Variants in NLGN4X observed in about 807,000 individuals in gnomAD.
NLGN4X encodes neuroligin 4 X-linked.
In NLGN4X, 3 loss-of-function variants were observed where a neutral mutation model predicts 40.3. The ratio of observed to expected loss-of-function variants is 0.07; its 90% CI spans 0.03 to 0.19. The LOEUF is 0.19. NLGN4X is among the 10% of genes least tolerant of loss of function. NLGN4X has a pLI of 1.00. For missense variants in NLGN4X, 382 were observed against 708.3 expected (o/e 0.54, Z 5.23); for synonymous variants, 270 against 306.8 (o/e 0.88, Z 1.25).
intron 1 of NLGN4X, among the ~76,000 whole-genome samples, chrX:6,160,791 G>A (rs2040369447): frequency 9.2e-6 from 1 of 108,794 alleles, no homozygotes; most frequent in East Asian, 2.9e-4. Context: ...AGAGTGCTGG[G>A]ATTACAGGCG....
intron 2 of NLGN4X, among the ~76,000 whole-genome samples, chrX:6,120,855 T>A (rs1481740549): frequency 9.0e-6 from 1 of 111,521 alleles, no homozygotes; most frequent in Admixed American, 9.6e-5. Flanking sequence ...TGAACAAGAA[T>A]AAAAAATCCA....
At chrX:6,129,803 A>T (rs199595929) in intron 2 of NLGN4X, among the ~76,000 whole-genome samples, 3 of 39,247 alleles carry the variant, frequency 7.6e-5, no homozygotes, top group Non-Finnish European at 1.4e-4. Context: ...TGAAATGTTT[A>T]AAAAAAAAAA....
chrX:6,014,112 G>C (rs5961399), intron 3 of NLGN4X, among the ~76,000 whole-genome samples: 33,015 of 107,427 alleles, frequency 0.31, 4,773 homozygotes, highest in East Asian at 0.59. Context: ...AACCCGGGAG[G>C]GGGAGGTTGC....
Position 6,025,163 on chromosome X carries a change from T to C in NLGN4X, c.625+4117A>G, listed in dbSNP as rs896804397. 4.5e-5 allele frequency among the ~76,000 whole-genome samples: 5 copies of C among 111,674 alleles called. No homozygotes were observed. In the East Asian group the frequency reaches 1.4e-3, roughly 32 times the overall value. ...AATCAGAAGACACTTCATGTAGATA[T>C]AAATAATTACTTTATAGCTATAATG... On this transcript the variant is annotated intron_variant, in intron 3 of 5. Transcript: ENST00000381095.
chrX:6,066,051 G>C (rs1355914152), intron 2 of NLGN4X, among the ~76,000 whole-genome samples: 1 of 111,730 alleles, frequency 9.0e-6, no homozygotes, highest in Non-Finnish European at 1.9e-5. Context: ...TTAATAGTTT[G>C]TGTCCTGTCA....
intron 2 of NLGN4X, among the ~76,000 whole-genome samples, chrX:6,112,272 C>T (rs2039165341): frequency 9.0e-6 from 1 of 111,478 alleles, no homozygotes; most frequent in Admixed American, 9.6e-5. Context: ...ACCCTTGTAA[C>T]ACACCTGCAG....
intron 2 of NLGN4X, among the ~76,000 whole-genome samples, chrX:6,058,191 CATAT>C (rs893261143): frequency 9.0e-6 from 1 of 110,807 alleles, no homozygotes; most frequent in African/African-American, 3.3e-5. Context: ...TTCATACACA[CATAT>C]ATATATAAAC....
chrX:6,045,795 G>C (rs1421604171), intron 2 of NLGN4X, among the ~76,000 whole-genome samples: 2 of 76,020 alleles, frequency 2.6e-5, no homozygotes, highest in East Asian at 6.3e-4. Flanking sequence ...GTATAAACAG[G>C]GCAATGATGT....
At chrX:6,005,844 T>C (rs1055436436) in intron 3 of NLGN4X, among the ~76,000 whole-genome samples, 1 of 111,201 alleles carries the variant, frequency 9.0e-6, no homozygotes, top group African/African-American at 3.3e-5. Flanking sequence ...ACAGACTTTG[T>C]TCTAAGCCAC....
rs767154488 is a variant in NLGN4X, at chrX:5,921,828, G to T, written c.626-12589C>A. Among the ~76,000 whole-genome samples the T allele has an allele frequency of 1.3e-3, 145 of 111,719 alleles. 3 individuals carry two copies. The highest frequency in any genetic ancestry group is 1.5e-3 in the Non-Finnish European group (79 of 53,173). On this transcript the variant is annotated intron_variant, in intron 3 of 5. Coordinates refer to ENST00000381095, the MANE Select transcript of NLGN4X (RefSeq NM_181332.3). The stretch of plus-strand genomic sequence containing the variant: ...TAGCTACACGGTGTTAGGCTTTTAA[G>T]AATAAACTTAGCACGGCCCAGGTAG...
chrX:6,136,140 G>T (rs1318694831), intron 2 of NLGN4X, among the ~76,000 whole-genome samples: 5 of 111,822 alleles, frequency 4.5e-5, no homozygotes, highest in African/African-American at 1.6e-4. Flanking sequence ...TTGCAATGGT[G>T]CTATCATAGC....
intron 3 of NLGN4X, among the ~76,000 whole-genome samples, chrX:5,910,590 C>T (rs1437402439): frequency 1.8e-5 from 2 of 110,956 alleles, no homozygotes; most frequent in Non-Finnish European, 3.8e-5. Context: ...GACTGAGTGC[C>T]GGCTTCTACT....
intron 1 of NLGN4X, among the ~76,000 whole-genome samples, chrX:6,197,720 T>C (rs1020727348): frequency 5.4e-5 from 6 of 111,165 alleles, no homozygotes; most frequent in African/African-American, 2.0e-4. Context: ...TACAGGATGA[T>C]AGATTTTCAA....
rs562432294 is a variant in NLGN4X, at chrX:6,122,754, G to A, written c.472+28241C>T. Among the ~76,000 whole-genome samples the A allele has an allele frequency of 5.3e-4, 57 of 108,371 alleles. No individual in the cohort carries two copies. In the South Asian group the frequency reaches 0.022, roughly 41 times the overall value. 94.1% of individuals were successfully genotyped at this position (108,371 alleles called of 115,157 possible). ...AGCAGATCCCTCCAATGGACAGAGA[G>A]ACAATGATAGCGATATAAAGTTGGA... On this transcript the variant is annotated intron_variant, in intron 2 of 5. Transcript: ENST00000381095.
At chrX:6,196,274 T>G (rs1923036027) in intron 1 of NLGN4X, among the ~76,000 whole-genome samples, 2 of 111,446 alleles carry the variant, frequency 1.8e-5, no homozygotes, top group African/African-American at 6.5e-5. Flanking sequence ...CCACTGAAAG[T>G]GTTTCGGTGG....
chrX:5,975,011 A>G (rs2035132760), intron 3 of NLGN4X, among the ~76,000 whole-genome samples: 1 of 111,549 alleles, frequency 9.0e-6, no homozygotes, highest in African/African-American at 3.3e-5. Context: ...ACAGCATGAA[A>G]ATGCCAGACA....
At chrX:5,969,616 C>T (rs1334154227) in intron 3 of NLGN4X, among the ~76,000 whole-genome samples, 2 of 111,114 alleles carry the variant, frequency 1.8e-5, no homozygotes, top group Admixed American at 9.6e-5. Context: ...GTCAGTGTGG[C>T]GATTTCTCAG....
chrX:6,199,027 T>C (rs1004451389), intron 1 of NLGN4X, among the ~76,000 whole-genome samples: 1 of 112,006 alleles, frequency 8.9e-6, no homozygotes, highest in African/African-American at 3.2e-5. Flanking sequence ...AACTAAAAAG[T>C]AGGAGGACAA....
chrX:6,026,779 T>C (rs372396311), intron 3 of NLGN4X, among the ~76,000 whole-genome samples: 1 of 111,739 alleles, frequency 8.9e-6, no homozygotes, highest in Admixed American at 9.5e-5. Context: ...TGTTATCTTA[T>C]GACTTTTAAA....
Sources: allele counts gnomAD v4.1 joint callset (sites outside exome capture counted in the v4.1 genomes callset), GRCh38; gene constraint gnomAD v4.1.1; transcripts MANE v1.5; gene names NCBI Gene and HGNC (gene_info 2026-07-23, HGNC 2026-07-21).